Variants in RB1CC1 observed in about 807,000 individuals in gnomAD.
RB1CC1 encodes the protein RB1 inducible coiled-coil 1.
A neutral mutation model predicts 177.5 loss-of-function variants in RB1CC1; 46 were observed. The ratio of observed to expected loss-of-function variants is 0.26; its 90% confidence interval spans 0.20 to 0.33. The LOEUF (loss-of-function observed/expected upper bound fraction) is 0.33, where lower values mean the gene tolerates loss of function less well. Ranked by LOEUF, RB1CC1 falls within the 10% of genes least tolerant of loss-of-function variation. RB1CC1 has a pLI of 1.00. For missense variants in RB1CC1, 1,703 were observed against 1,816.3 expected (o/e 0.94, Z 1.13); for synonymous variants, 666 against 613.6 (o/e 1.09, Z -1.26).
intron 5 of RB1CC1, among the ~76,000 whole-genome samples, chr8:52,677,254 G>A (rs1340609906): frequency 6.6e-6 from 1 of 152,138 alleles, no homozygotes; most frequent in Non-Finnish European, 1.5e-5. Flanking sequence ...AAAGAGACAG[G>A]AAATGAGAAG....
intron 1 of RB1CC1, among the ~76,000 whole-genome samples, chr8:52,713,275 G>C (rs560896795): frequency 2.8e-4 from 43 of 152,256 alleles, no homozygotes; most frequent in Admixed American, 2.7e-3. Flanking sequence ...TTCAAGGTAT[G>C]ACCACACTTT....
chr8:52,713,883 G>A (rs944960461), intron 1 of RB1CC1, among the ~76,000 whole-genome samples, 192 bp downstream of exon 1: 1 of 152,174 alleles, frequency 6.6e-6, no homozygotes, highest in Non-Finnish European at 1.5e-5. Context: ...TGTCGCGCCG[G>A]GAAAGCGGCC....
At chr8:52,631,131 G>A (rs34250916) in intron 20 of RB1CC1, among the ~76,000 whole-genome samples, 4,158 of 152,280 alleles carry the variant, frequency 0.027, 83 homozygotes, top group Non-Finnish European at 0.044. Context: ...CGATTTGTGA[G>A]AAAAGGAGAA....
chr8:52,659,362 C>A (rs1164718485), intron 12 of RB1CC1, among the ~76,000 whole-genome samples: 1 of 152,006 alleles, frequency 6.6e-6, no homozygotes, highest in African/African-American at 2.4e-5. Flanking sequence ...TTAAAATGCA[C>A]ACATGTATTT....
chr8:52,647,102 TATGAC>T (rs911955185), intron 15 of RB1CC1, among the ~76,000 whole-genome samples: 1 of 152,210 alleles, frequency 6.6e-6, no homozygotes, highest in Non-Finnish European at 1.5e-5. Context: ...CATCTAATTA[TATGAC>T]AAGAATACAC....
chr8:52,702,388 A>G (rs1052694428), intron 1 of RB1CC1, among the ~76,000 whole-genome samples: 1 of 152,216 alleles, frequency 6.6e-6, no homozygotes. Flanking sequence ...CAGAAGATCC[A>G]TGAGCTGCAT....
chr8:52,707,747 GTCACCTCCGGT>G (rs1029104063), intron 1 of RB1CC1, among the ~76,000 whole-genome samples: 6 of 151,988 alleles, frequency 3.9e-5, no homozygotes, highest in African/African-American at 1.5e-4. Flanking sequence ...CACTCTCTTT[GTCACCTCCGGT>G]TCAGTACTCA....
intron 1 of RB1CC1, among the ~76,000 whole-genome samples, chr8:52,713,059 G>A (rs772688233): frequency 6.6e-6 from 1 of 152,126 alleles, no homozygotes; most frequent in Non-Finnish European, 1.5e-5. Context: ...ATTGCTAACT[G>A]TCCAAACTTA....
chr8:52,662,609 T>C (rs557834822), intron 8 of RB1CC1, among the ~76,000 whole-genome samples: 9 of 152,204 alleles, frequency 5.9e-5, no homozygotes, highest in Admixed American at 1.3e-4. Context: ...AATAAATCAT[T>C]ATCCTTCTAG....
At chr8:52,695,757 T>C (rs1855345401) in intron 1 of RB1CC1, among the ~76,000 whole-genome samples, 1 of 152,220 alleles carries the variant, frequency 6.6e-6, no homozygotes, top group Admixed American at 6.5e-5. Flanking sequence ...TTGGACCCCT[T>C]CCAGATTCTG....
chr8:52,637,220 T>C (rs1369729670), intron 18 of RB1CC1, among the ~76,000 whole-genome samples: 2 of 152,220 alleles, frequency 1.3e-5, no homozygotes, highest in African/African-American at 4.8e-5. Context: ...CAGGATGCCC[T>C]ACTGTCTTAA....
chr8:52,661,096 T>C lies in RB1CC1; in HGVS notation c.1544A>G (p.Glu515Gly). The change falls in exon 10 of 24, where the codon GAG becomes GGG. Residue 515 changes from glutamate to glycine, a missense_variant and splice_region_variant. Glu to Gly is a moderately conservative substitution (Grantham distance 98). Around this residue, in one of 6 missense-constraint regions of RB1CC1, gnomAD observed 1,169 missense variants for 1,184.7 expected, o/e 0.99. Coordinates refer to ENST00000025008, the MANE Select transcript of RB1CC1 (RefSeq NM_014781.5). ...RRKMFIKHYREWAGALVKDGK... is the reference protein window; with the variant it reads ...RRKMFIKHYRGWAGALVKDGK... ...TAAAATAGAATTCAACTTGCATACC[T>C]CCCTGTAGTGTTTTATGAACATTTT... The C allele has an allele frequency of 6.2e-7, 1 of 1,613,238 alleles. No individual in the cohort carries two copies. Among genetic ancestry groups the C allele is most frequent in the Non-Finnish European group, 8.5e-7 (1 of 1,179,612 alleles).
At chr8:52,706,015 T>C (rs545325782) in intron 1 of RB1CC1, among the ~76,000 whole-genome samples, 2 of 152,298 alleles carry the variant, frequency 1.3e-5, no homozygotes, top group Non-Finnish European at 2.9e-5. Flanking sequence ...ATGCAAGCAC[T>C]TAAAAAGTCT....
chr8:52,632,887 C>G (rs1219429788), intron 20 of RB1CC1, among the ~76,000 whole-genome samples: 1 of 152,166 alleles, frequency 6.6e-6, no homozygotes, highest in East Asian at 1.9e-4. Context: ...TCATGTGAGA[C>G]AAATGCGTAT....
At chr8:52,648,933 C>CA (rs1388283591) in intron 15 of RB1CC1, among the ~76,000 whole-genome samples, 1 of 152,162 alleles carries the variant, frequency 6.6e-6, no homozygotes, top group Non-Finnish European at 1.5e-5. Flanking sequence ...TACTTGAACA[C>CA]AAGGACTGCA....
At position 52,674,194 on chromosome 8, in the gene RB1CC1, C is replaced by T; in HGVS notation, c.653G>A (p.Gly218Glu). The change falls in exon 7 of 24, where the codon GGA becomes GAA. Residue 218 changes from glycine (G) to glutamate (E), a missense_variant. Gly to Glu is a moderately conservative substitution (Grantham distance 98, BLOSUM62 -2). This residue lies in a region of RB1CC1 where 315 missense variants were observed against 304.9 expected (regional missense o/e 1.03). Coordinates refer to ENST00000025008, the MANE Select transcript of RB1CC1 (RefSeq NM_014781.5). Reference sequence around the variant, plus strand: ...ATGTTCAGGTAAAGAATCCAGTCTTCCCAAACATTCTCTGTAACTATGTCT... The same window carrying T: ...ATGTTCAGGTAAAGAATCCAGTCTTTCCAAACATTCTCTGTAACTATGTCT... Reference protein sequence around the residue: ...LTRHSYRECLGRLDSLPEHED... With the variant: ...LTRHSYRECLERLDSLPEHED... The T allele has an allele frequency of 1.2e-6, 2 of 1,612,696 alleles. No individual in the cohort carries two copies. Among genetic ancestry groups the T allele is most frequent in the Non-Finnish European group, 1.7e-6 (2 of 1,178,702 alleles).
intron 22 of RB1CC1, among the ~76,000 whole-genome samples, chr8:52,625,842 T>C (rs1261364489): frequency 1.3e-5 from 2 of 152,234 alleles, no homozygotes; most frequent in South Asian, 2.1e-4. Flanking sequence ...TAAGTAGAAC[T>C]ACCATAAGTT....
chr8:52,645,078 T>TA (rs563036542), intron 16 of RB1CC1, among the ~76,000 whole-genome samples: 1 of 152,178 alleles, frequency 6.6e-6, no homozygotes, highest in African/African-American at 2.4e-5. Context: ...ACAAGCTCTC[T>TA]AACAAGGCAT....
chr8:52,669,459 TAG>T (rs1434931924), intron 7 of RB1CC1, among the ~76,000 whole-genome samples: 21 of 152,194 alleles, frequency 1.4e-4, no homozygotes, highest in Non-Finnish European at 4.4e-5. Context: ...GATTAATGCA[TAG>T]AGTCTTGTAC....
Sources: gnomAD v4.1 joint callset for allele counts (sites outside exome capture counted in the v4.1 genomes callset) on GRCh38, gnomAD v4.1.1 for gene constraint, gnomAD v4.1.1 regional missense constraint, MANE v1.5 for transcripts, NCBI Gene and HGNC (gene_info 2026-07-23, HGNC 2026-07-21) for gene names.